Variants in BRINP2 observed in about 807,000 individuals in gnomAD.
BRINP2 encodes BMP/retinoic acid inducible neural specific 2, also known as BMP/retinoic acid-inducible neural-specific protein 2.
In BRINP2, 21 loss-of-function variants were observed where a neutral mutation model predicts 69.2. The observed-to-expected ratio is 0.30, with a 90% confidence interval of 0.22 to 0.44. The LOEUF (loss-of-function observed/expected upper bound fraction) is 0.44, where lower values mean the gene tolerates loss of function less well. Ranked by LOEUF, BRINP2 falls within the 20% of genes least tolerant of loss-of-function variation. The pLI is 1.00. For synonymous variants in BRINP2, 380 were observed against 394.1 expected, an observed-to-expected ratio of 0.96 and a Z score of 0.42; for missense variants, 877 against 986.0, an observed-to-expected ratio of 0.89 and a Z score of 1.48.
At chr1:177,232,978 G>C (rs192958881) in intron 2 of BRINP2, among the ~76,000 whole-genome samples, 1 of 152,208 alleles carries the variant, frequency 6.6e-6, no homozygotes, top group Non-Finnish European at 1.5e-5. Flanking sequence ...AAGGGGGTCA[G>C]TATATTTGGT....
intron 1 of BRINP2, among the ~76,000 whole-genome samples, chr1:177,217,058 C>A (rs551069546): frequency 6.6e-6 from 1 of 151,800 alleles, no homozygotes; most frequent in Non-Finnish European, 1.5e-5. Context: ...TGATTAGAGA[C>A]GTTTTCATCC....
At position 177,230,035 on chromosome 1, in the gene BRINP2, T is replaced by A; in HGVS notation, c.159T>A (p.His53Gln). ...PEQHASVAGQ[H>Q]PLDWLLTDRG... is the part of the protein sequence containing the mutation. The stretch of plus-strand genomic sequence containing the variant: ...AGCATGCCTCCGTAGCTGGCCAGCA[T>A]CCCCTGGACTGGCTGCTCACAGACC... The change falls in exon 2 of 8, where the codon CAT becomes CAA. Residue 53 changes from histidine to glutamine, a missense_variant. Physicochemically the swap from His to Gln is conservative, Grantham distance 24. Transcript: ENST00000361539. The A allele has an allele frequency of 6.2e-7, 1 of 1,613,798 alleles. No homozygotes were observed. The highest frequency in any genetic ancestry group is 1.1e-5 in the South Asian group (1 of 91,064).
intron 4 of BRINP2, among the ~76,000 whole-genome samples, chr1:177,273,258 G>T (rs541259556): frequency 2.0e-5 from 3 of 152,086 alleles, no homozygotes; most frequent in African/African-American, 7.2e-5. Flanking sequence ...TCTCTGAAAG[G>T]CTCTTACTTA....
intron 1 of BRINP2, among the ~76,000 whole-genome samples, chr1:177,201,854 A>C (rs930649559): frequency 6.6e-6 from 1 of 152,160 alleles, no homozygotes; most frequent in Non-Finnish European, 1.5e-5. Context: ...TTGGTAAGCT[A>C]TTAATTATTG....
intron 7 of BRINP2, 71 bp from the exon 8 acceptor site, chr1:177,280,341 G>T (rs1651648178): frequency 7.0e-7 from 1 of 1,425,540 alleles, no homozygotes; most frequent in Admixed American, 2.2e-5. Context: ...TCAATGTCTT[G>T]CTGCCCTTAA....
Position 177,281,719 on chromosome 1 carries a change from TACACACAC to T in BRINP2, c.*204_*211del. ...GCTACTGCGTGCGTGCGCGCACGCATACACACACACACACACACACTGGCACAGGGAGG... is the reference window on the plus strand; with the variant it reads ...GCTACTGCGTGCGTGCGCGCACGCATACACACACACACTGGCACAGGGAGG... On this transcript the variant is annotated 3_prime_UTR_variant, in exon 8 of 8. Transcript: ENST00000361539. The T allele has an allele frequency of 1.8e-6, 1 of 548,534 alleles. No individual in the cohort carries two copies. The highest frequency in any genetic ancestry group is 2.8e-5 in the South Asian group (1 of 35,104). 34.0% of individuals were successfully genotyped at this position (548,534 alleles called of 1,614,324 possible). A position where few individuals can be genotyped will look rare whatever the true frequency, so the allele number is the denominator to read the frequency against.
intron 1 of BRINP2, among the ~76,000 whole-genome samples, chr1:177,219,293 A>G (rs771136551): frequency 1.3e-5 from 2 of 152,160 alleles, no homozygotes; most frequent in Non-Finnish European, 2.9e-5. Context: ...TACTTCTGCT[A>G]TCCCCCTAGC....
intron 1 of BRINP2, among the ~76,000 whole-genome samples, chr1:177,228,658 C>T (rs977427283): frequency 3.3e-5 from 5 of 152,114 alleles, no homozygotes; most frequent in Non-Finnish European, 5.9e-5. Flanking sequence ...TGGCACACAC[C>T]GAATTGGTGC....
chr1:177,229,730 T>G, intron 1 of BRINP2, 71 bp from the exon 2 acceptor site: 5 of 1,126,100 alleles, frequency 4.4e-6, no homozygotes, highest in Non-Finnish European at 6.1e-6. Flanking sequence ...CCCAACCCAA[T>G]TATGTGTGAT....
intron 1 of BRINP2, among the ~76,000 whole-genome samples, chr1:177,216,263 G>A (rs1649372182): frequency 6.6e-6 from 1 of 151,860 alleles, no homozygotes. Flanking sequence ...TTTGTTTTGT[G>A]CATCTCCTAT....
At chr1:177,227,058 T>G (rs1210283229) in intron 1 of BRINP2, among the ~76,000 whole-genome samples, 1 of 152,212 alleles carries the variant, frequency 6.6e-6, no homozygotes, top group Non-Finnish European at 1.5e-5. Context: ...TTCAATGCAC[T>G]CTGCAGTCAT....
intron 2 of BRINP2, among the ~76,000 whole-genome samples, chr1:177,245,845 A>G (rs1260303548): frequency 6.6e-6 from 1 of 152,134 alleles, no homozygotes; most frequent in Non-Finnish European, 1.5e-5. Flanking sequence ...ATAGCCAAAC[A>G]GTGATCTCCT....
At chr1:177,200,585 T>A (rs1357383252) in intron 1 of BRINP2, among the ~76,000 whole-genome samples, 2 of 152,114 alleles carry the variant, frequency 1.3e-5, no homozygotes, top group Non-Finnish European at 2.9e-5. Context: ...CTTGTCATAC[T>A]TTTTTCTTCC....
intron 1 of BRINP2, among the ~76,000 whole-genome samples, chr1:177,177,493 A>C (rs538552679): frequency 5.0e-4 from 76 of 152,308 alleles, no homozygotes; most frequent in South Asian, 2.7e-3. Flanking sequence ...AGTTCACAAA[A>C]GGTTTTCACA....
At chr1:177,265,978 G>A (rs1295579521) in intron 4 of BRINP2, among the ~76,000 whole-genome samples, 1 of 151,708 alleles carries the variant, frequency 6.6e-6, no homozygotes, top group East Asian at 1.9e-4. Flanking sequence ...AAATTAGCTG[G>A]GCGTGGTGGC....
At position 177,273,437 on chromosome 1, in the gene BRINP2, G is replaced by A. The variant is rs1651396510; in HGVS notation, c.670-51G>A. 3.2e-6 allele frequency: 4 copies of A among 1,249,418 alleles called. No individual in the cohort carries two copies. The East Asian group carries it at 9.5e-5, about 30-fold the overall frequency. 77.4% of individuals were successfully genotyped at this position (1,249,418 alleles called of 1,614,324 possible). ...AGCAGCTGGAGAAGGGAAGTATAAA[G>A]GGAGTCTCCACTTGTTATCTAAACC... On this transcript the variant is annotated intron_variant, in intron 4 of 7. Transcript: ENST00000361539.
In BRINP2 at chr1:177,229,987, G is replaced by C. The variant is rs912146352; in HGVS notation, c.111G>C (p.Thr37=). Residue 37 remains threonine, a synonymous_variant, in exon 2 of 8, where the codon ACG becomes ACC. Transcript: ENST00000361539. ...GCTGGGTGTTGGCTGTCTCAGCCAC[G>C]GCGGCTGCTGTGGTCCCCGAGCAGC... ...LPGWVLAVSA[T]AAAVVPEQHA... is the part of the protein sequence containing the mutation. 4.3e-6 allele frequency: 7 copies of C among 1,613,174 alleles called. No homozygotes were observed. Among genetic ancestry groups the C allele is most frequent in the Non-Finnish European group, 5.9e-6 (7 of 1,179,850 alleles).
chr1:177,257,046 G>A (rs774776155), intron 3 of BRINP2, 130 bp from the exon 4 acceptor site: 1 of 1,553,228 alleles, frequency 6.4e-7, no homozygotes, highest in Non-Finnish European at 8.7e-7. Context: ...AAGGGCTGGG[G>A]GAAGAGCTTG....
intron 1 of BRINP2, among the ~76,000 whole-genome samples, chr1:177,229,283 C>T (rs1302706166): frequency 6.6e-6 from 1 of 152,140 alleles, no homozygotes. Context: ...ACAGCAGCAA[C>T]GGAAGGAACT....
Sources: gnomAD v4.1 joint callset for allele counts (sites outside exome capture counted in the v4.1 genomes callset) on GRCh38, gnomAD v4.1.1 for gene constraint, MANE v1.5 for transcripts, NCBI Gene and HGNC (gene_info 2026-07-23, HGNC 2026-07-21) for gene names.